ENTREP2: variants seen among roughly 807,000 people sequenced by gnomAD.
ENTREP2 encodes protein ENTREP2.
At chr15:29,291,219 T>C in the ENTREP2 span, among the ~76,000 whole-genome samples, 1 of 152,190 alleles carries the variant, frequency 6.6e-6, no homozygotes, top group African/African-American at 2.4e-5. Flanking sequence ...GAAACAAACC[T>C]TTGCTACGTT....
the ENTREP2 span, among the ~76,000 whole-genome samples, chr15:29,203,931 G>A: frequency 1.3e-5 from 2 of 152,132 alleles, no homozygotes; most frequent in African/African-American, 2.4e-5. Context: ...AGGATCATCC[G>A]GGGAAAGGGA....
the ENTREP2 span, among the ~76,000 whole-genome samples, chr15:29,582,087 G>A: frequency 1.6e-4 from 25 of 152,028 alleles, no homozygotes; most frequent in African/African-American, 3.1e-4. Context: ...GATTATAGGC[G>A]TGCACCACCA....
At chr15:29,648,513 T>A in the ENTREP2 span, among the ~76,000 whole-genome samples, 1 of 152,220 alleles carries the variant, frequency 6.6e-6, no homozygotes, top group East Asian at 1.9e-4. Flanking sequence ...GCCCCAGGAC[T>A]ATAGTACAGC....
At chr15:29,150,205 G>A in the ENTREP2 span, among the ~76,000 whole-genome samples, 1 of 152,194 alleles carries the variant, frequency 6.6e-6, no homozygotes, top group Non-Finnish European at 1.5e-5. Flanking sequence ...CACCTGCCTC[G>A]AATGCAGAAG....
the ENTREP2 span, among the ~76,000 whole-genome samples, chr15:29,542,066 T>G: frequency 1.5e-3 from 233 of 152,352 alleles, no homozygotes; most frequent in Middle Eastern, 3.4e-3. Context: ...TGGAGGGCAG[T>G]GGTGCGATCT....
chr15:29,568,187 C>T, the ENTREP2 span, among the ~76,000 whole-genome samples: 22 of 152,308 alleles, frequency 1.4e-4, no homozygotes, highest in African/African-American at 4.8e-4. Context: ...TTTCAAGGTG[C>T]TTGCAGCAAA....
At chr15:29,440,275 C>T in the ENTREP2 span, among the ~76,000 whole-genome samples, 1 of 152,158 alleles carries the variant, frequency 6.6e-6, no homozygotes, top group Non-Finnish European at 1.5e-5. Flanking sequence ...TTGAGCAACT[C>T]CCCGCTTCTG....
At chr15:29,511,344 C>T in the ENTREP2 span, among the ~76,000 whole-genome samples, 54,609 of 136,608 alleles carry the variant, frequency 0.4, 10,338 homozygotes, top group African/African-American at 0.49. Context: ...TTTTTCTTTT[C>T]TTTTTTTTTT....
At chr15:29,371,349 A>AACACACACACACACACACACACAC in the ENTREP2 span, among the ~76,000 whole-genome samples, 4 of 133,982 alleles carry the variant, frequency 3.0e-5, no homozygotes, top group East Asian at 2.3e-4. Context: ...CACCCCCGCA[A>AACACACACACACACACACACACAC]ACACACACAC....
the ENTREP2 span, among the ~76,000 whole-genome samples, chr15:29,392,965 A>C: frequency 6.6e-6 from 1 of 152,242 alleles, no homozygotes; most frequent in Non-Finnish European, 1.5e-5. Flanking sequence ...GCACTTGTTT[A>C]GAAAAGTTCA....
At chr15:29,665,654 T>C in the ENTREP2 span, among the ~76,000 whole-genome samples, 2 of 152,184 alleles carry the variant, frequency 1.3e-5, no homozygotes, top group Non-Finnish European at 1.5e-5. Context: ...CCAGCTGCCA[T>C]GCAACCATTC....
chr15:29,413,369 C>G, the ENTREP2 span, among the ~76,000 whole-genome samples: 1 of 152,196 alleles, frequency 6.6e-6, no homozygotes, highest in East Asian at 1.9e-4. Context: ...ACAGATTGAT[C>G]GATTTCTACC....
the ENTREP2 span, among the ~76,000 whole-genome samples, chr15:29,490,309 C>T: frequency 6.6e-6 from 1 of 152,288 alleles, no homozygotes; most frequent in Admixed American, 6.5e-5. Flanking sequence ...AGTATTACAG[C>T]TCTTGAAGGT....
the ENTREP2 span, among the ~76,000 whole-genome samples, chr15:29,246,169 ATAGT>A: frequency 6.6e-6 from 1 of 152,184 alleles, no homozygotes; most frequent in African/African-American, 2.4e-5. Flanking sequence ...AGGCAGGTAG[ATAGT>A]TTGAGTTCAG....
At chr15:29,146,884 G>A in the ENTREP2 span, among the ~76,000 whole-genome samples, 21 of 151,320 alleles carry the variant, frequency 1.4e-4, no homozygotes, top group Admixed American at 9.9e-4. Context: ...GTGGTGAGCC[G>A]AGATCACACC....
At chr15:29,179,612 G>T in the ENTREP2 span, among the ~76,000 whole-genome samples, 1 of 148,736 alleles carries the variant, frequency 6.7e-6, no homozygotes, top group Non-Finnish European at 1.5e-5. Flanking sequence ...ACGGAGTCTC[G>T]CTCTGTTGCC....
chr15:29,484,424 G>C, the ENTREP2 span, among the ~76,000 whole-genome samples: 1 of 152,314 alleles, frequency 6.6e-6, no homozygotes, highest in East Asian at 1.9e-4. Context: ...AAGCAGTACT[G>C]CATGAAGATT....
At chr15:29,233,142 A>G in the ENTREP2 span, among the ~76,000 whole-genome samples, 1 of 152,206 alleles carries the variant, frequency 6.6e-6, no homozygotes, top group Non-Finnish European at 1.5e-5. Flanking sequence ...GATTGACTCT[A>G]TAACTTTCCC....
chr15:29,359,602 G>A, the ENTREP2 span, among the ~76,000 whole-genome samples: 36 of 152,236 alleles, frequency 2.4e-4, no homozygotes, highest in South Asian at 1.9e-3. Flanking sequence ...TAGTAGAGGC[G>A]GGGTTTCACC....
Sources: allele counts gnomAD v4.1 joint callset (sites outside exome capture counted in the v4.1 genomes callset), GRCh38; gene constraint gnomAD v4.1.1; transcripts MANE v1.5; gene names NCBI Gene and HGNC (gene_info 2026-07-23, HGNC 2026-07-21).